LRGUK: variants seen among roughly 807,000 people sequenced by gnomAD.
LRGUK encodes the protein leucine-rich repeat and guanylate kinase domain-containing protein.
In LRGUK, 65 loss-of-function variants were observed where a neutral mutation model predicts 76.0. The ratio of observed to expected loss-of-function variants is 0.85; its 90% CI spans 0.70 to 1.05. LRGUK has a LOEUF of 1.05. Among genes scored for constraint, LRGUK ranks in the 50% least tolerant of loss-of-function variants. The pLI, the probability that LRGUK is intolerant of heterozygous loss-of-function variation, is 0.00. For synonymous variants in LRGUK, 268 were observed against 265.6 expected (o/e 1.01, Z -0.09); for missense variants, 758 against 732.8 (o/e 1.03, Z -0.40).
At chr7:134,148,243 G>T (rs148613691) in exon 5 of LRGUK, 16 of 1,599,660 alleles carry the variant, frequency 1.0e-5, no homozygotes, top group Non-Finnish European at 1.4e-5. Context: ...GCCAGAAGGC[G>T]GATTTTTCCC....
chr7:134,220,556 C>T (rs907093917), intron 15 of LRGUK, among the ~76,000 whole-genome samples: 3 of 151,726 alleles, frequency 2.0e-5, no homozygotes, highest in Admixed American at 6.6e-5. Context: ...GTCAACTTAT[C>T]AAACAGTCCA....
rs191148166 is a variant in LRGUK at position 134,138,865 on chromosome 7, A to C, written c.406-571A>C. ...TATAACTAACTTGCTGTGTGATTTC[A>C]GGCTGTTAACCTACCTCTCTGTACC... On this transcript the variant is annotated intron_variant, in intron 2 of 15. Coordinates refer to ENST00000645682, the Ensembl canonical transcript of LRGUK. Among the ~76,000 whole-genome samples the C allele has an allele frequency of 2.0e-5, 3 of 152,324 alleles. 1 individual carries two copies. The highest frequency in any genetic ancestry group is 2.0e-4 in the Admixed American group (3 of 15,296).
At chr7:134,195,380 G>A (rs139549733) in intron 12 of LRGUK, among the ~76,000 whole-genome samples, 4 of 152,344 alleles carry the variant, frequency 2.6e-5, no homozygotes, top group African/African-American at 7.2e-5. Context: ...TGTAAACTAA[G>A]TTCCTCCCAA....
At chr7:134,127,609 G>C in exon 1 of LRGUK, 1 of 1,614,180 alleles carries the variant, frequency 6.2e-7, no homozygotes, top group Non-Finnish European at 8.5e-7. Flanking sequence ...GAGGACCAGG[G>C]CGAGGGCGAG....
chr7:134,177,659 A>G (rs1019491569), intron 9 of LRGUK, among the ~76,000 whole-genome samples: 2 of 152,090 alleles, frequency 1.3e-5, no homozygotes, highest in African/African-American at 4.8e-5. Flanking sequence ...CAAAATCTCT[A>G]CTAATGAGGG....
In LRGUK at chr7:134,221,764, T is replaced by G; in HGVS notation, c.1844-15T>G. On this transcript the variant is annotated splice_polypyrimidine_tract_variant and intron_variant, in intron 15 of 19. Coordinates refer to the LRGUK transcript ENST00000285928. ...TATGACTTTTATTTTAAACTTTATTTTTTTTTCCTACCAGATGTTAAGACA... is the reference window on the plus strand; with the variant it reads ...TATGACTTTTATTTTAAACTTTATTGTTTTTTCCTACCAGATGTTAAGACA... The G allele has an allele frequency of 6.8e-7, 1 of 1,469,360 alleles. No individual in the cohort carries two copies. The highest frequency in any genetic ancestry group is 9.0e-7 in the Non-Finnish European group (1 of 1,113,844). 91.0% of individuals were successfully genotyped at this position (1,469,360 alleles called of 1,614,324 possible).
chr7:134,181,727 T>C (rs375507310), intron 10 of LRGUK, among the ~76,000 whole-genome samples: 43 of 152,300 alleles, frequency 2.8e-4, no homozygotes, highest in East Asian at 2.1e-3. Context: ...TAAGAAATAA[T>C]ACAGAGAAAT....
chr7:134,149,153 A>G (rs1034511896), intron 5 of LRGUK, among the ~76,000 whole-genome samples: 3 of 150,852 alleles, frequency 2.0e-5, no homozygotes, highest in Non-Finnish European at 4.4e-5. Context: ...CAACATAGCT[A>G]TTTCATGAGC....
At chr7:134,201,419 G>A in intron 14 of LRGUK, 62 bp from the exon 15 acceptor site, 1 of 1,273,360 alleles carries the variant, frequency 7.9e-7, no homozygotes, top group Non-Finnish European at 1.1e-6. Context: ...ACCACCGATA[G>A]TTGAACATCA....
intron 16 of LRGUK, among the ~76,000 whole-genome samples, chr7:134,226,262 T>TGTGTGTGTGTG (rs1801759800): frequency 1.0e-5 from 1 of 97,962 alleles, no homozygotes; most frequent in African/African-American, 7.0e-5. Flanking sequence ...GTGTGTGTGT[T>TGTGTGTGTGTG]TCTGGTTCTG....
At chr7:134,268,377 A>G (rs1393962514), downstream of LRGUK, among the ~76,000 whole-genome samples, 3 of 151,266 alleles carry the variant, frequency 2.0e-5, no homozygotes, top group African/African-American at 7.4e-5. Flanking sequence ...TAGATAAAAC[A>G]AACTCTTTTC....
intron 15 of LRGUK, among the ~76,000 whole-genome samples, chr7:134,204,121 C>CA (rs1563181291): frequency 7.1e-6 from 1 of 140,840 alleles, no homozygotes; most frequent in Non-Finnish European, 1.5e-5. Flanking sequence ...TAACTGAGAA[C>CA]AGTGTGTTTC....
exon 16 of LRGUK, chr7:134,209,671 C>G: frequency 2.5e-6 from 1 of 399,434 alleles, no homozygotes; most frequent in East Asian, 3.6e-5. Flanking sequence ...CGGTCTCTCC[C>G]AGGCTTCCAC....
chr7:134,152,132 G>C (rs1798246176), intron 5 of LRGUK, among the ~76,000 whole-genome samples: 1 of 151,966 alleles, frequency 6.6e-6, no homozygotes, highest in East Asian at 1.9e-4. Context: ...TATCTATAGA[G>C]AATATTAAAA....
At chr7:134,203,020 T>C (rs912803299) in intron 15 of LRGUK, among the ~76,000 whole-genome samples, 17 of 151,872 alleles carry the variant, frequency 1.1e-4, no homozygotes, top group African/African-American at 4.1e-4. Flanking sequence ...CTGGCCAACA[T>C]GGTGAAACCC....
At chr7:134,273,294 G>C in the LRGUK span, among the ~76,000 whole-genome samples, 2 of 152,144 alleles carry the variant, frequency 1.3e-5, no homozygotes, top group Non-Finnish European at 2.9e-5. Flanking sequence ...CTCTATGGTA[G>C]AGCCAGGCAG....
chr7:134,162,470 A>T (rs983074920), intron 6 of LRGUK, among the ~76,000 whole-genome samples: 12 of 152,118 alleles, frequency 7.9e-5, no homozygotes, highest in African/African-American at 2.9e-4. Context: ...TAGGCTGGGA[A>T]CTGGCACACT....
intron 15 of LRGUK, among the ~76,000 whole-genome samples, chr7:134,207,713 G>C (rs1025469610): frequency 7.9e-4 from 120 of 152,324 alleles, no homozygotes; most frequent in African/African-American, 2.9e-3. Context: ...TCAGAGGTCT[G>C]ATTTGGGTTG....
intron 16 of LRGUK, among the ~76,000 whole-genome samples, chr7:134,227,909 T>C (rs141975657): frequency 0.016 from 2,457 of 152,214 alleles, 237 homozygotes; most frequent in Admixed American, 0.15. Context: ...AGTTCTAACA[T>C]ATGTTATTGA....
Sources: allele counts gnomAD v4.1 joint callset (sites outside exome capture counted in the v4.1 genomes callset), GRCh38; gene constraint gnomAD v4.1.1; transcripts MANE v1.5; gene names NCBI Gene and HGNC (gene_info 2026-07-23, HGNC 2026-07-21).